LNX1: variants seen among roughly 807,000 people sequenced by gnomAD.
The protein encoded by LNX1 is ligand of numb-protein X 1.
In LNX1, 54 loss-of-function variants were observed where a neutral mutation model predicts 68.4. That is an observed-to-expected ratio of 0.79 (90% CI 0.63 to 0.99). The LOEUF (loss-of-function observed/expected upper bound fraction) is 0.99. Ranked by LOEUF, LNX1 falls within the 50% of genes least tolerant of loss-of-function variation. The pLI is 0.00. For synonymous variants in LNX1, 336 were observed against 350.0 expected (o/e 0.96, Z 0.45); for missense variants, 906 against 926.4 (o/e 0.98, Z 0.29).
intron 6 of LNX1, among the ~76,000 whole-genome samples, chr4:53,491,474 A>G (rs17082910): frequency 0.12 from 18,120 of 152,248 alleles, 1,398 homozygotes; most frequent in South Asian, 0.22. Flanking sequence ...CTACCAGGCC[A>G]GGAACTGTAC....
intron 2 of LNX1, among the ~76,000 whole-genome samples, chr4:53,601,817 G>T (rs1458975886): frequency 6.6e-6 from 1 of 152,124 alleles, no homozygotes. Flanking sequence ...GGAACCACAT[G>T]CCAGGGGTCA....
intron 1 of LNX1, among the ~76,000 whole-genome samples, chr4:53,636,518 C>A (rs1038954312): frequency 6.6e-6 from 1 of 152,114 alleles, no homozygotes; most frequent in South Asian, 2.1e-4. Flanking sequence ...ATCATTTCAC[C>A]TTCAAGTATC....
At chr4:53,542,778 G>A (rs1728849025) in intron 2 of LNX1, among the ~76,000 whole-genome samples, 1 of 152,180 alleles carries the variant, frequency 6.6e-6, no homozygotes, top group East Asian at 1.9e-4. Flanking sequence ...ATTGGCATTT[G>A]CAATTGCATT....
intron 1 of LNX1, among the ~76,000 whole-genome samples, chr4:53,630,549 T>G (rs1362538239): frequency 2.6e-5 from 4 of 152,288 alleles, no homozygotes; most frequent in African/African-American, 9.6e-5. Context: ...AGCATGGTGC[T>G]GAAGTGCCGC....
At position 53,590,213 on chromosome 4, in the gene LNX1, T is replaced by C. The variant is rs80241864; in HGVS notation, c.-87+1175A>G. Among the ~76,000 whole-genome samples the C allele has an allele frequency of 3.9e-3, 601 of 152,292 alleles. 8 individuals are homozygous for C. Among genetic ancestry groups the C allele is most frequent in the African/African-American group, 0.014 (568 of 41,552 alleles). On this transcript the variant is annotated intron_variant, in intron 1 of 10. Coordinates refer to ENST00000263925, the MANE Select transcript of LNX1 (RefSeq NM_001126328.3). Reference sequence around the variant, plus strand: ...GATTCTTAGTGGTGAGGAACGACTGTCTGTCTAAGGCAAAAATGATCTCAG... The same window carrying C: ...GATTCTTAGTGGTGAGGAACGACTGCCTGTCTAAGGCAAAAATGATCTCAG...
intron 2 of LNX1, among the ~76,000 whole-genome samples, chr4:53,569,792 A>G (rs1407045735): frequency 3.6e-5 from 5 of 138,448 alleles, no homozygotes; most frequent in Admixed American, 2.2e-4. Flanking sequence ...TCCAGAATCT[A>G]CAATGAACTC....
At chr4:53,481,979 G>T in intron 6 of LNX1, 125 bp from the exon 7 acceptor site, 1 of 1,257,980 alleles carries the variant, frequency 7.9e-7, no homozygotes, top group African/African-American at 1.5e-5. Context: ...TTTCTAGTTT[G>T]TTGGGTTTTT....
At chr4:53,498,522 C>A in intron 5 of LNX1, 119 bp downstream of exon 5, 3 of 702,004 alleles carry the variant, frequency 4.3e-6, no homozygotes, top group South Asian at 3.6e-5. Context: ...GATAGAAAGT[C>A]ACTATCCACA....
intron 1 of LNX1, among the ~76,000 whole-genome samples, chr4:53,632,024 C>T (rs531726200): frequency 6.6e-6 from 1 of 152,138 alleles, no homozygotes; most frequent in Admixed American, 6.5e-5. Context: ...GGCCAAAGCT[C>T]CTGGGTCCGC....
At chr4:53,538,282 T>C (rs1396930047) in intron 2 of LNX1, among the ~76,000 whole-genome samples, 1 of 152,180 alleles carries the variant, frequency 6.6e-6, no homozygotes, top group East Asian at 1.9e-4. Context: ...TACAGAACAG[T>C]TGGGCAAGAC....
chr4:53,589,336 C>G (rs992583009), intron 1 of LNX1, among the ~76,000 whole-genome samples: 2 of 152,202 alleles, frequency 1.3e-5, no homozygotes, highest in African/African-American at 4.8e-5. Flanking sequence ...TAAGAATTCT[C>G]CTGCCTGTTT....
chr4:53,588,831 C>T (rs1732329951), intron 1 of LNX1, among the ~76,000 whole-genome samples: 1 of 152,176 alleles, frequency 6.6e-6, no homozygotes, highest in Non-Finnish European at 1.5e-5. Context: ...TGTGGTATCC[C>T]TGAAGGGCGA....
chr4:53,645,350 G>A (rs1349079564), intron 1 of LNX1, among the ~76,000 whole-genome samples: 1 of 152,152 alleles, frequency 6.6e-6, no homozygotes, highest in African/African-American at 2.4e-5. Flanking sequence ...TGCAGAGGGT[G>A]AATGAAGATA....
Position 53,606,760 on chromosome 4 carries a change from G to C in LNX1, c.-215+9757C>G, listed in dbSNP as rs1287350222. Among the ~76,000 whole-genome samples the C allele has an allele frequency of 2.0e-5, 3 of 152,160 alleles. 1 individual carries two copies. Among genetic ancestry groups the C allele is most frequent in the Admixed American group, 2.0e-4 (3 of 15,274 alleles). ...GCAGATCAAAAAGCTTATCTACCAT[G>C]ATCAAGTAGGCTTCATCCCTGGGAT... On this transcript the variant is annotated intron_variant, in intron 2 of 3. Coordinates refer to the LNX1 transcript ENST00000504299.
At chr4:53,519,456 T>TC (rs1727043964) in intron 2 of LNX1, among the ~76,000 whole-genome samples, 1 of 145,216 alleles carries the variant, frequency 6.9e-6, no homozygotes, top group African/African-American at 2.5e-5. Flanking sequence ...TTTTTTTTTT[T>TC]AATCACAAGG....
intron 1 of LNX1, among the ~76,000 whole-genome samples, chr4:53,587,320 T>A (rs1451238608): frequency 6.6e-6 from 1 of 152,234 alleles, no homozygotes; most frequent in African/African-American, 2.4e-5. Context: ...ATGGTTTTTT[T>A]ATGGTTTTCA....
chr4:53,609,923 A>G (rs1450504548), intron 2 of LNX1, among the ~76,000 whole-genome samples: 1 of 151,318 alleles, frequency 6.6e-6, no homozygotes, highest in Non-Finnish European at 1.5e-5. Flanking sequence ...TGAATAGTAA[A>G]TCATTTAATG....
At chr4:53,586,149 G>A (rs1732157087) in intron 1 of LNX1, among the ~76,000 whole-genome samples, 1 of 151,816 alleles carries the variant, frequency 6.6e-6, no homozygotes, top group African/African-American at 2.4e-5. Context: ...AAAAAAAAAA[G>A]GCCACAGATA....
intron 9 of LNX1, among the ~76,000 whole-genome samples, chr4:53,472,962 A>G (rs1723334705): frequency 6.6e-6 from 1 of 152,216 alleles, no homozygotes; most frequent in Non-Finnish European, 1.5e-5. Flanking sequence ...ATGCTGGCCA[A>G]GTAGAAAGAA....
Sources: gnomAD v4.1 joint callset for allele counts (sites outside exome capture counted in the v4.1 genomes callset) on GRCh38, gnomAD v4.1.1 for gene constraint, MANE v1.5 for transcripts, NCBI Gene and HGNC (gene_info 2026-07-23, HGNC 2026-07-21) for gene names.